Variants in DMBT1 observed in about 807,000 individuals in gnomAD.
The protein encoded by DMBT1 is scavenger receptor cysteine-rich domain-containing protein DMBT1.
A neutral mutation model predicts 252.9 loss-of-function variants in DMBT1; 198 were observed. The observed-to-expected ratio is 0.78, with a 90% CI of 0.70 to 0.88. The LOEUF is 0.88. Among genes scored for constraint, DMBT1 ranks in the 40% least tolerant of loss-of-function variants. The pLI is 0.00. For synonymous variants in DMBT1, 990 were observed against 942.7 expected, an observed-to-expected ratio of 1.05 and a Z score of -0.92; for missense variants, 2,432 against 2,404.7, an observed-to-expected ratio of 1.01 and a Z score of -0.24.
In DMBT1 at chr10:122,621,353, C is replaced by G. The variant is rs201533269; in HGVS notation, c.5581C>G (p.His1861Asp). The change falls in exon 44 of 56, where the codon CAC becomes GAC. Residue 1861 changes from histidine to aspartate, a missense_variant. Physicochemically the swap from His to Asp is moderately conservative, Grantham distance 81. This residue lies in a region of DMBT1 where 1,162 missense variants were observed against 1,169.0 expected (regional missense o/e 0.99). Transcript: ENST00000338354. ...CTGGCTCACCCACAACTGTGGCCATCACGAAGACGCTGGTGTCATCTGCTC... is the reference window on the plus strand; with the variant it reads ...CTGGCTCACCCACAACTGTGGCCATGACGAAGACGCTGGTGTCATCTGCTC... ...KGWLTHNCGHHEDAGVICSAT... is the reference protein window; with the variant it reads ...KGWLTHNCGHDEDAGVICSAT... 1.9e-6 allele frequency: 3 copies of G among 1,613,698 alleles called. No individual in the cohort carries two copies. The highest frequency in any genetic ancestry group is 1.7e-6 in the Non-Finnish European group (2 of 1,179,742).
intron 52 of DMBT1, among the ~76,000 whole-genome samples, chr10:122,634,663 A>C (rs1239748239): frequency 6.6e-6 from 1 of 151,726 alleles, no homozygotes; most frequent in African/African-American, 2.4e-5. Flanking sequence ...TGCCTGGCTA[A>C]TTTTTGTATT....
chr10:122,598,062 A>C, intron 25 of DMBT1, 50 bp downstream of exon 25: 13 of 1,612,070 alleles, frequency 8.1e-6, no homozygotes, highest in Non-Finnish European at 1.1e-5. Context: ...ACCTCTGGAC[A>C]AATGTTTTTT....
At position 122,588,927 on chromosome 10, in the gene DMBT1, C is replaced by A; in HGVS notation, c.1784-17C>A. ...TGCTGATAGGGATTGATGAAGGGTTCTTGTGTTCTCCTATAGGACCTGAAT... is the reference window on the plus strand; with the variant it reads ...TGCTGATAGGGATTGATGAAGGGTTATTGTGTTCTCCTATAGGACCTGAAT... On this transcript the variant is annotated splice_polypyrimidine_tract_variant and intron_variant, in intron 16 of 55. Transcript: ENST00000338354. The A allele has an allele frequency of 6.3e-7, 1 of 1,587,310 alleles. No homozygotes were observed. The highest frequency in any genetic ancestry group is 1.2e-5 in the South Asian group (1 of 86,858).
chr10:122,630,098 G>A, intron 47 of DMBT1, 105 bp downstream of exon 47: 1 of 1,511,914 alleles, frequency 6.6e-7, no homozygotes, highest in South Asian at 1.3e-5. Flanking sequence ...CATGTGCCAT[G>A]GACAAGCTTT....
rs566926424 is a variant in DMBT1, at chr10:122,600,088, G to C, written c.3305G>C (p.Ser1102Thr). ...GCTTCCCAGTCCCGGCCAACACCTA[G>C]TCCAGGTGGGTCCCCAGTGTCCTTC... ...CSASQSRPTPSPDTWPTSHAS... is the reference protein window; with the variant it reads ...CSASQSRPTPTPDTWPTSHAS... Residue 1102 changes from serine (S) to threonine (T), a missense_variant, in exon 27 of 56, where the codon AGT becomes ACT. Around this residue, in one of 3 missense-constraint regions of DMBT1, gnomAD observed 1,264 missense variants for 1,082.2 expected, o/e 1.17. Transcript: ENST00000338354. 6.2e-7 allele frequency: 1 copy of C among 1,604,816 alleles called. No homozygotes were observed. Among genetic ancestry groups the C allele is most frequent in the East Asian group, 2.3e-5 (1 of 44,204 alleles).
At chr10:122,642,176 A>AAAG (rs2133705570) in intron 55 of DMBT1, among the ~76,000 whole-genome samples, 1 of 51,938 alleles carries the variant, frequency 1.9e-5, no homozygotes, top group East Asian at 1.7e-3. Context: ...AGCTACTGTG[A>AAAG]AAAAAAAAAC....
At chr10:122,569,528 C>T (rs138120561) in intron 2 of DMBT1, among the ~76,000 whole-genome samples, 123 of 152,284 alleles carry the variant, frequency 8.1e-4, no homozygotes, top group African/African-American at 2.6e-3. Flanking sequence ...GACACTGTCC[C>T]ATGGCGTGTT....
intron 3 of DMBT1, 87 bp from the exon 4 acceptor site, chr10:122,570,803 C>A: frequency 6.8e-7 from 1 of 1,476,774 alleles, no homozygotes; most frequent in Non-Finnish European, 9.5e-7. Flanking sequence ...TGTTTCCAGC[C>A]CTTGCTTCAG....
intron 52 of DMBT1, among the ~76,000 whole-genome samples, chr10:122,633,943 G>A (rs967909832): frequency 3.9e-5 from 6 of 152,244 alleles, no homozygotes; most frequent in South Asian, 4.2e-4. Context: ...AGACCAGCCT[G>A]AGCAATATAG....
chr10:122,565,218 A>G (rs1259964574), intron 1 of DMBT1, among the ~76,000 whole-genome samples: 3 of 152,250 alleles, frequency 2.0e-5, no homozygotes, highest in Non-Finnish European at 1.5e-5. Flanking sequence ...TTCAAGACAT[A>G]GGAAAAATAA....
chr10:122,563,523 G>T (rs937432166), intron 1 of DMBT1, among the ~76,000 whole-genome samples: 2 of 151,540 alleles, frequency 1.3e-5, no homozygotes, highest in Non-Finnish European at 2.9e-5. Flanking sequence ...GGAGGCAGAG[G>T]TTGCCGTGAG....
intron 18 of DMBT1, 118 bp downstream of exon 18, chr10:122,590,812 C>T (rs1392355129): frequency 3.9e-6 from 5 of 1,284,188 alleles, no homozygotes; most frequent in African/African-American, 1.4e-5. Flanking sequence ...ATACTATTTT[C>T]CCTGCTCTGT....
rs369691816 is a variant in DMBT1, at chr10:122,640,163, G to A, written c.7066G>A (p.Asp2356Asn). 4.6e-5 allele frequency: 75 copies of A among 1,613,918 alleles called. No homozygotes were observed. Among genetic ancestry groups the A allele is most frequent in the Non-Finnish European group, 5.9e-5 (70 of 1,179,914 alleles). The change falls in exon 55 of 56, where the codon GAC becomes AAC. Residue 2356 changes from aspartate (D) to asparagine (N), a missense_variant. Asp to Asn is a conservative substitution (Grantham distance 23, BLOSUM62 1). Transcript: ENST00000338354. ...CAGAATGCTTCAGAACACCTGGGTC[G>A]ACACCATGTACATTGCTAATGACAC... ...SCRMLQNTWVDTMYIANDTIH... is the reference protein window; with the variant it reads ...SCRMLQNTWVNTMYIANDTIH...
rs1374905044 is a variant in DMBT1, at chr10:122,633,328, T to C, written c.6535T>C (p.Phe2179Leu). ...VQNNYRVTVI[F>L]RDVQLEGGCN... ...AAACAACTACCGTGTGACTGTGATC[T>C]TCAGAGATGTCCAGTAAGTGTGCGC... The change falls in exon 52 of 56, where the codon TTC becomes CTC. Residue 2179 changes from phenylalanine (F) to leucine (L), a missense_variant. This residue lies in a region of DMBT1 where 1,162 missense variants were observed against 1,169.0 expected (regional missense o/e 0.99). Coordinates refer to ENST00000338354, the MANE Select transcript of DMBT1 (RefSeq NM_001377530.1). 1.2e-6 allele frequency: 2 copies of C among 1,613,884 alleles called. No individual in the cohort carries two copies. The highest frequency in any genetic ancestry group is 1.7e-6 in the Non-Finnish European group (2 of 1,179,884).
intron 1 of DMBT1, among the ~76,000 whole-genome samples, chr10:122,562,826 T>C (rs1278502248): frequency 6.6e-6 from 1 of 152,260 alleles, no homozygotes; most frequent in Non-Finnish European, 1.5e-5. Context: ...ATTTAAATCT[T>C]CTAACATTGC....
At chr10:122,587,949 C>G (rs144961598) in intron 16 of DMBT1, among the ~76,000 whole-genome samples, 1 of 148,410 alleles carries the variant, frequency 6.7e-6, no homozygotes, top group African/African-American at 2.4e-5. Context: ...TCCAGCGAGG[C>G]CTATGTCCCT....
intron 25 of DMBT1, 86 bp downstream of exon 25, chr10:122,598,098 G>T: frequency 1.3e-6 from 2 of 1,588,196 alleles, no homozygotes; most frequent in Admixed American, 1.7e-5. Flanking sequence ...TGAGGGTCAA[G>T]GTGGGCCCCT....
intron 52 of DMBT1, among the ~76,000 whole-genome samples, chr10:122,634,682 A>T (rs560418064): frequency 2.0e-5 from 3 of 152,066 alleles, no homozygotes; most frequent in South Asian, 2.1e-4. Flanking sequence ...TTTTTATTAG[A>T]GACGGGGTTT....
chr10:122,569,248 G>C (rs2097637746), intron 2 of DMBT1, among the ~76,000 whole-genome samples: 1 of 152,292 alleles, frequency 6.6e-6, no homozygotes, highest in South Asian at 2.1e-4. Flanking sequence ...CTAAGTGGCA[G>C]TTTCTCCTCC....
Sources: gnomAD v4.1 joint callset for allele counts (sites outside exome capture counted in the v4.1 genomes callset) on GRCh38, gnomAD v4.1.1 for gene constraint, gnomAD v4.1.1 regional missense constraint, MANE v1.5 for transcripts, NCBI Gene and HGNC (gene_info 2026-07-23, HGNC 2026-07-21) for gene names.